Variants in CNTN4 observed in about 807,000 individuals in gnomAD.
CNTN4 encodes contactin-4.
A neutral mutation model predicts 122.5 loss-of-function variants in CNTN4; 77 were observed. That is an observed-to-expected ratio of 0.63 (90% CI 0.52 to 0.76). CNTN4 has a LOEUF of 0.76. Among genes scored for constraint, CNTN4 ranks in the 30% least tolerant of loss-of-function variants. The pLI is 0.00. For missense variants in CNTN4, 1,256 were observed against 1,259.1 expected (o/e 1.00, Z 0.04); for synonymous variants, 512 against 447.0 (o/e 1.15, Z -1.83).
At chr3:2,717,199 C>CA (rs1256498287) in intron 4 of CNTN4, among the ~76,000 whole-genome samples, 2 of 152,156 alleles carry the variant, frequency 1.3e-5, no homozygotes, top group Non-Finnish European at 2.9e-5. Flanking sequence ...CCTTTATTGG[C>CA]ATGTGGAAAC....
intron 3 of CNTN4, among the ~76,000 whole-genome samples, chr3:2,411,978 A>G (rs763771841): frequency 1.4e-4 from 21 of 152,136 alleles, no homozygotes; most frequent in Non-Finnish European, 2.2e-4. Flanking sequence ...TTGTCTGTCA[A>G]TACCTCTTCT....
At chr3:2,996,210 G>C (rs1695521586) in intron 14 of CNTN4, among the ~76,000 whole-genome samples, 1 of 152,198 alleles carries the variant, frequency 6.6e-6, no homozygotes, top group African/African-American at 2.4e-5. Context: ...AAAAAGGCTG[G>C]AGGTACATGA....
At position 3,051,085 on chromosome 3, in the gene CNTN4, A is replaced by G. The variant is rs1215259322; in HGVS notation, c.2812-2722A>G. Among the ~76,000 whole-genome samples the G allele has an allele frequency of 2.0e-5, 3 of 152,168 alleles. No homozygotes were observed. The East Asian group carries it at 5.8e-4, about 29-fold the overall frequency. ...ATTTTTTAAAAGTTCATCAGCTATC[A>G]TTAGTGTTAGTGTATTTTATGTGTG... On this transcript the variant is annotated intron_variant, in intron 23 of 24. Coordinates refer to ENST00000418658, the MANE Select transcript of CNTN4 (RefSeq NM_175607.3).
chr3:2,850,253 G>A (rs1183440948), intron 7 of CNTN4, among the ~76,000 whole-genome samples: 1 of 152,148 alleles, frequency 6.6e-6, no homozygotes, highest in Non-Finnish European at 1.5e-5. Flanking sequence ...CTCCCAAAGT[G>A]CAGGGATTAC....
At chr3:2,751,185 G>A (rs2090074063) in intron 6 of CNTN4, among the ~76,000 whole-genome samples, 2 of 152,156 alleles carry the variant, frequency 1.3e-5, no homozygotes, top group East Asian at 1.9e-4. Context: ...GCGGGCACCT[G>A]TAGTCCCAGC....
At chr3:2,200,100 AG>A (rs1265515474) in intron 2 of CNTN4, among the ~76,000 whole-genome samples, 2 of 152,194 alleles carry the variant, frequency 1.3e-5, no homozygotes, top group Admixed American at 1.3e-4. Flanking sequence ...CAGTATGTAA[AG>A]AATGGATTCA....
At chr3:2,299,550 A>G (rs1055158078) in intron 2 of CNTN4, among the ~76,000 whole-genome samples, 5 of 152,052 alleles carry the variant, frequency 3.3e-5, no homozygotes, top group African/African-American at 1.2e-4. Context: ...ACTTTTCCCT[A>G]TAATTTTATA....
intron 23 of CNTN4, among the ~76,000 whole-genome samples, chr3:3,051,263 C>G (rs535220569): frequency 4.3e-4 from 65 of 152,206 alleles, no homozygotes; most frequent in African/African-American, 1.5e-3. Flanking sequence ...ATTCTTTCCC[C>G]TTGTCTTCCA....
At chr3:3,022,061 A>T (rs1037833568) in intron 14 of CNTN4, among the ~76,000 whole-genome samples, 5 of 137,570 alleles carry the variant, frequency 3.6e-5, no homozygotes, top group African/African-American at 1.4e-4. Context: ...CCCTGCCTCT[A>T]CCAAGAATTC....
intron 3 of CNTN4, among the ~76,000 whole-genome samples, chr3:2,341,311 T>G (rs1627079): frequency 6.6e-6 from 1 of 151,942 alleles, no homozygotes. Context: ...CAATATGATA[T>G]TCACATTGTC....
At chr3:2,104,705 G>T (rs1305267060) in intron 2 of CNTN4, among the ~76,000 whole-genome samples, 1 of 152,192 alleles carries the variant, frequency 6.6e-6, no homozygotes, top group African/African-American at 2.4e-5. Context: ...TGCAAGGGAA[G>T]CTGAGAAGTG....
chr3:2,320,118 T>C (rs1032783), intron 2 of CNTN4, among the ~76,000 whole-genome samples: 2 of 151,938 alleles, frequency 1.3e-5, no homozygotes, highest in Non-Finnish European at 1.5e-5. Flanking sequence ...GGGGATATAA[T>C]TCTGGAATGA....
At chr3:2,543,613 A>C (rs1043113363) in intron 3 of CNTN4, among the ~76,000 whole-genome samples, 4 of 152,058 alleles carry the variant, frequency 2.6e-5, no homozygotes, top group African/African-American at 7.2e-5. Context: ...AGGGAGCCAA[A>C]ACAAGACAAT....
chr3:2,947,300 A>G (rs2094689373), intron 13 of CNTN4, among the ~76,000 whole-genome samples: 1 of 152,144 alleles, frequency 6.6e-6, no homozygotes, highest in Non-Finnish European at 1.5e-5. Context: ...CCCCATAACA[A>G]ATTTTCCTGT....
At chr3:2,196,436 C>G (rs1220006711) in intron 2 of CNTN4, among the ~76,000 whole-genome samples, 2 of 152,130 alleles carry the variant, frequency 1.3e-5, no homozygotes, top group Non-Finnish European at 2.9e-5. Flanking sequence ...GTTCAATAGA[C>G]TCTTTGTGCA....
rs117034521 is a variant in CNTN4 at position 2,785,624 on chromosome 3, T to C, written c.359-33862T>C. The stretch of plus-strand genomic sequence containing the variant: ...AGTTACAGTGAAAATACAACTGGTT[T>C]TGTGATAGATGGGAACTGGAAGGAA... On this transcript the variant is annotated intron_variant, in intron 6 of 24. Transcript: ENST00000418658. 7.2e-5 allele frequency among the ~76,000 whole-genome samples: 11 copies of C among 152,290 alleles called. No individual in the cohort carries two copies. In the East Asian group the frequency reaches 1.9e-3, roughly 27 times the overall value.
chr3:2,545,124 A>T (rs1258118165), intron 3 of CNTN4, among the ~76,000 whole-genome samples: 1 of 152,094 alleles, frequency 6.6e-6, no homozygotes, highest in African/African-American at 2.4e-5. Flanking sequence ...TAATTTCATT[A>T]TCTACCCAAA....
chr3:2,902,260 AG>A (rs1002320670), intron 11 of CNTN4, among the ~76,000 whole-genome samples: 2 of 152,132 alleles, frequency 1.3e-5, no homozygotes, highest in Non-Finnish European at 2.9e-5. Context: ...ACAAATAAGG[AG>A]GATCTCCTGT....
At chr3:2,528,703 A>G (rs1049368999) in intron 3 of CNTN4, among the ~76,000 whole-genome samples, 10 of 152,156 alleles carry the variant, frequency 6.6e-5, no homozygotes, top group African/African-American at 2.4e-4. Flanking sequence ...ATTCTCTGGT[A>G]GAATATGAAC....
Sources: gnomAD v4.1 joint callset for allele counts (sites outside exome capture counted in the v4.1 genomes callset) on GRCh38, gnomAD v4.1.1 for gene constraint, MANE v1.5 for transcripts, NCBI Gene and HGNC (gene_info 2026-07-23, HGNC 2026-07-21) for gene names.